The following ABCG8 variants were observed in gnomAD, a reference collection of about 807,000 sequenced individuals.
ABCG8 encodes the protein ATP binding cassette subfamily G member 8.
A neutral mutation model predicts 71.3 loss-of-function variants in ABCG8; 81 were observed. That is an observed-to-expected ratio of 1.14 (90% CI 0.95 to 1.37). The LOEUF is 1.37. ABCG8 is among the 40% of genes most tolerant of loss of function. The pLI, the probability that ABCG8 is intolerant of heterozygous loss-of-function variation, is 0.00. For missense variants in ABCG8, 1,119 were observed against 866.2 expected, an observed-to-expected ratio of 1.29 and a Z score of -3.66; for synonymous variants, 451 against 354.7, an observed-to-expected ratio of 1.27 and a Z score of -3.05.
chr2:43,850,603 A>G (rs573338969), intron 3 of ABCG8, among the ~76,000 whole-genome samples: 4 of 152,276 alleles, frequency 2.6e-5, no homozygotes, highest in African/African-American at 9.6e-5. Context: ...CCCTCCTCCC[A>G]TCCTCCACCC....
chr2:43,854,995 G>C (rs780779446), intron 6 of ABCG8, among the ~76,000 whole-genome samples: 65 of 152,344 alleles, frequency 4.3e-4, no homozygotes, highest in East Asian at 1.9e-4. Flanking sequence ...AGGGGTCAGT[G>C]AGAAATCTAC....
intron 6 of ABCG8, among the ~76,000 whole-genome samples, chr2:43,864,296 A>G (rs1256783633): frequency 2.0e-5 from 3 of 151,360 alleles, no homozygotes; most frequent in African/African-American, 4.8e-5. Context: ...AATTCTCACC[A>G]TATGGATAGA....
chr2:43,868,153 A>G (rs1669600812), intron 6 of ABCG8, among the ~76,000 whole-genome samples: 2 of 143,818 alleles, frequency 1.4e-5, no homozygotes, highest in South Asian at 4.6e-4. Flanking sequence ...CTCAGTATCA[A>G]TGTGGATAGA....
At chr2:43,860,773 A>G (rs1451227236) in intron 6 of ABCG8, among the ~76,000 whole-genome samples, 1 of 149,856 alleles carries the variant, frequency 6.7e-6, no homozygotes, top group African/African-American at 2.4e-5. Context: ...AACTCTCACT[A>G]TCTGCTGTAT....
At chr2:43,867,573 C>A (rs1226529123) in intron 6 of ABCG8, among the ~76,000 whole-genome samples, 2 of 150,150 alleles carry the variant, frequency 1.3e-5, no homozygotes, top group African/African-American at 4.9e-5. Flanking sequence ...ATAGAATTCT[C>A]ACCATCTGGA....
At chr2:43,848,419 G>A (rs1039488452) in intron 3 of ABCG8, 1 of 152,172 alleles carries the variant, frequency 6.6e-6, no homozygotes, top group African/African-American at 2.4e-5. Flanking sequence ...GCTGATGCTT[G>A]GCTGCCATGA....
intron 1 of ABCG8, 64 bp downstream of exon 1, chr2:43,839,180 C>T: frequency 6.6e-7 from 1 of 1,518,022 alleles, no homozygotes; most frequent in South Asian, 1.2e-5. Flanking sequence ...AAACCTTTCT[C>T]TCTTCCCTCA....
chr2:43,841,315 G>A (rs1668576451), intron 1 of ABCG8, among the ~76,000 whole-genome samples: 1 of 152,212 alleles, frequency 6.6e-6, no homozygotes, highest in South Asian at 2.1e-4. Context: ...CCCAGCATGA[G>A]CAGAGCTGGT....
intron 3 of ABCG8, chr2:43,846,534 C>T (rs1668749312): frequency 1.7e-6 from 1 of 600,728 alleles, no homozygotes; most frequent in Non-Finnish European, 2.9e-6. Flanking sequence ...CATGAGTGCG[C>T]CTCTTGTCCA....
chr2:43,870,582 A>T (rs180841690), intron 6 of ABCG8, among the ~76,000 whole-genome samples: 144 of 150,608 alleles, frequency 9.6e-4, no homozygotes, highest in Middle Eastern at 3.7e-3. Context: ...TCGTAATAGA[A>T]CTCTCACTAT....
intron 9 of ABCG8, 75 bp from the exon 10 acceptor site, chr2:43,874,332 A>G: frequency 8.1e-7 from 1 of 1,228,486 alleles, no homozygotes; most frequent in African/African-American, 1.5e-5. Context: ...AATTGTATTA[A>G]GAGAGTCTCC....
chr2:43,851,127 G>T (rs1668900573), intron 3 of ABCG8, among the ~76,000 whole-genome samples: 1 of 152,152 alleles, frequency 6.6e-6, no homozygotes, highest in Admixed American at 6.5e-5. Context: ...TCCTCACAAA[G>T]CCAGCTTCTG....
In ABCG8 at chr2:43,874,488, C is replaced by T. The variant is rs373395114; in HGVS notation, c.1488+5C>T. 1.0e-5 allele frequency: 16 copies of T among 1,603,116 alleles called. No individual in the cohort carries two copies. The African/African-American group carries it at 2.0e-4, about 20-fold the overall frequency. ...GGTCCATATTTCTTTGCCAAGGTGACTGGGCAGGGTTGAGAGCAAGTGCCC... is the reference window on the plus strand; with the variant it reads ...GGTCCATATTTCTTTGCCAAGGTGATTGGGCAGGGTTGAGAGCAAGTGCCC... On this transcript the variant is annotated splice_donor_5th_base_variant and intron_variant, in intron 10 of 12. Coordinates refer to ENST00000272286, the MANE Select transcript of ABCG8 (RefSeq NM_022437.3).
chr2:43,874,516 C>CCCA (rs10667526), intron 10 of ABCG8, 33 bp downstream of exon 10: 4 of 1,548,608 alleles, frequency 2.6e-6, no homozygotes, highest in South Asian at 2.2e-5. Flanking sequence ...AAGTGCCCCC[C>CCCA]ACCCACCAGG....
chr2:43,840,782 C>CA (rs1284735544), intron 1 of ABCG8, among the ~76,000 whole-genome samples: 13 of 152,174 alleles, frequency 8.5e-5, no homozygotes, highest in African/African-American at 3.1e-4. Flanking sequence ...CTGGCCCCCT[C>CA]AGCTCCATCC....
intron 6 of ABCG8, among the ~76,000 whole-genome samples, chr2:43,861,963 G>C (rs1163409316): frequency 6.6e-6 from 1 of 150,762 alleles, no homozygotes; most frequent in Non-Finnish European, 1.5e-5. Context: ...TCACTCTCTG[G>C]ATAGAACTAG....
At chr2:43,854,012 C>A (rs1669015135) in intron 6 of ABCG8, among the ~76,000 whole-genome samples, 1 of 152,200 alleles carries the variant, frequency 6.6e-6, no homozygotes, top group Non-Finnish European at 1.5e-5. Context: ...GCCAGCCATC[C>A]CCAGAATAGG....
At chr2:43,857,518 T>C (rs1268293865) in intron 6 of ABCG8, among the ~76,000 whole-genome samples, 1 of 151,654 alleles carries the variant, frequency 6.6e-6, no homozygotes, top group Non-Finnish European at 1.5e-5. Context: ...ACCCTCACTA[T>C]CTATATGGAA....
Position 43,881,983 on chromosome 2 carries a change from T to G in ABCG8, c.*4070T>G, listed in dbSNP as rs1208495343. 1 of 152,206 alleles carries G rather than the reference T, an allele frequency of 6.6e-6. No individual in the cohort carries two copies. Among genetic ancestry groups the G allele is most frequent in the Admixed American group, 6.5e-5 (1 of 15,284 alleles). 9.4% of individuals were successfully genotyped at this position (152,206 alleles called of 1,614,324 possible). A position where few individuals can be genotyped will look rare whatever the true frequency, so the allele number is the denominator to read the frequency against. ...GGCTGTCTTCTAAGAAAGTATTATT[T>G]ACAAAAACAGGCAGGTTGCTAGATT... On this transcript the variant is annotated 3_prime_UTR_variant, in exon 13 of 13. Transcript: ENST00000272286.
Sources: gnomAD v4.1 joint callset for allele counts (sites outside exome capture counted in the v4.1 genomes callset) on GRCh38, gnomAD v4.1.1 for gene constraint, MANE v1.5 for transcripts, NCBI Gene and HGNC (gene_info 2026-07-23, HGNC 2026-07-21) for gene names.